LLGL1: variants seen among roughly 807,000 people sequenced by gnomAD.
The protein encoded by LLGL1 is LLGL scribble cell polarity complex component 1, also known as lethal(2) giant larvae protein homolog 1.
In LLGL1, 58 loss-of-function variants were observed where a neutral mutation model predicts 110.6. The ratio of observed to expected loss-of-function variants is 0.52; its 90% CI spans 0.42 to 0.65. LLGL1 has a LOEUF of 0.65. LLGL1 is among the 30% of genes least tolerant of loss of function. The probability of loss-of-function intolerance (pLI) is 0.00; values close to 1 mark genes in which losing one functional copy is unlikely to be tolerated. For synonymous variants in LLGL1, 674 were observed against 607.2 expected, an observed-to-expected ratio of 1.11 and a Z score of -1.62; for missense variants, 1,229 against 1,462.1, an observed-to-expected ratio of 0.84 and a Z score of 2.60.
At chr17:18,227,962 TGGACTCTGAGTCTTGGGTTCAAATCCC>T (rs1429663459) in intron 1 of LLGL1, among the ~76,000 whole-genome samples, 1 of 152,146 alleles carries the variant, frequency 6.6e-6, no homozygotes, top group African/African-American at 2.4e-5. Flanking sequence ...GCAGGGACTT[TGGACTCTGAGTCTTGGGTTCAAATCCC>T]AGTCCAGCCC....
chr17:18,237,527 G>T lies in LLGL1; in HGVS notation c.1658G>T (p.Ser553Ile). 1 of 1,602,420 alleles carries T rather than the reference G, an allele frequency of 6.2e-7. No individual in the cohort carries two copies. Residue 553 changes from serine to isoleucine, a missense_variant, in exon 14 of 23, where the codon AGC becomes ATC. Ser to Ile is a moderately radical substitution (Grantham distance 142). Coordinates refer to ENST00000316843, the MANE Select transcript of LLGL1 (RefSeq NM_004140.4). ...LSDVPVEQAV[S>I]VAIIDLLQDR... is the part of the protein sequence containing the mutation. ...GATGTGCCGGTGGAGCAGGCGGTCA[G>T]CGTGGCCATCATAGACCTCCTCCAG...
chr17:18,235,236 G>C lies in LLGL1; in HGVS notation c.1208G>C (p.Ser403Thr). 6.2e-7 allele frequency: 1 copy of C among 1,610,714 alleles called. No individual in the cohort carries two copies. Among genetic ancestry groups the C allele is most frequent in the Non-Finnish European group, 8.5e-7 (1 of 1,180,018 alleles). ...SAITCSAHVA[S>T]VPAKLWARIV... The stretch of plus-strand genomic sequence containing the variant: ...ATCACTTGCTCGGCCCACGTGGCCA[G>C]TGTCCCCGCCAAGCTGTGGGCCCGC... Residue 403 changes from serine (S) to threonine (T), a missense_variant, in exon 10 of 23, where the codon AGT becomes ACT. Transcript: ENST00000316843.
Position 18,242,633 on chromosome 17 carries a change from GGC to G in LLGL1, c.3116+6_3116+7del, listed in dbSNP as rs2047867851. On this transcript the variant is annotated splice_donor_region_variant and intron_variant, in intron 21 of 22. Coordinates refer to ENST00000316843, the MANE Select transcript of LLGL1 (RefSeq NM_004140.4). ...AGATGTGAAGGATTTCCTGGGGTGA[GGC>G]TGGTGGGCAGGTCCACAGGGGGGGC... 6.2e-7 allele frequency: 1 copy of G among 1,604,684 alleles called. No individual in the cohort carries two copies. Among genetic ancestry groups the G allele is most frequent in the Non-Finnish European group, 8.5e-7 (1 of 1,175,394 alleles).
Position 18,240,083 on chromosome 17 carries a change from C to T in LLGL1, c.2207-495C>T, listed in dbSNP as rs115041730. Among the ~76,000 whole-genome samples the T allele has an allele frequency of 1.4e-3, 209 of 152,180 alleles. No homozygotes were observed. Among genetic ancestry groups the T allele is most frequent in the Middle Eastern group, 6.8e-3 (2 of 292 alleles). ...GCTTGGCGGCTTCCTCTGGCTGCCA[C>T]GTAGGGAGCACACTGAAGACAGTGG... On this transcript the variant is annotated intron_variant, in intron 16 of 22. Transcript: ENST00000316843. The surrounding 1 kb of genome is among the most constrained non-coding windows in gnomAD (Gnocchi z 5.3).
rs2142706772 is a variant in LLGL1 at position 18,240,867 on chromosome 17, G to A, written c.2496G>A (p.Gln832=). The A allele has an allele frequency of 3.3e-6, 5 of 1,525,640 alleles. No individual in the cohort carries two copies. In the East Asian group the frequency reaches 1.2e-4, roughly 38 times the overall value. The allele number at this position is 1,525,640 out of a possible 1,614,324, so 94.5% of individuals were successfully genotyped here. Residue 832 remains glutamine, a synonymous_variant, in exon 17 of 23, where the codon CAG becomes CAA. Coordinates refer to ENST00000316843, the MANE Select transcript of LLGL1 (RefSeq NM_004140.4). This position sits in a 1 kb window ranked among gnomAD's most constrained non-coding sequence, Gnocchi z 5.3. The part of the protein sequence containing the change: ...GHAVLIASEE[Q]FKVFTLPKVS... ...CTGTGCTCATCGCATCTGAGGAGCA[G>A]TTCAAGGTGAGCCACTGTGGGCTGT...
chr17:18,237,425 G>A lies in LLGL1; in HGVS notation c.1612-56G>A, dbSNP rs529592577. On this transcript the variant is annotated intron_variant, in intron 13 of 22. Coordinates refer to ENST00000316843, the MANE Select transcript of LLGL1 (RefSeq NM_004140.4). ...CTTCAGAGGCTCCAGGCTGAGTGGG[G>A]CCCAGGGCGGCCCCTCCCCTGCGCT... 2.2e-4 allele frequency: 329 copies of A among 1,468,380 alleles called. No homozygotes were observed. The African/African-American group carries it at 4.0e-3, about 18-fold the overall frequency. The allele number at this position is 1,468,380 out of a possible 1,614,324, so 91.0% of individuals were successfully genotyped here.
chr17:18,229,871 G>A (rs1017662662), intron 1 of LLGL1, 70 bp from the exon 2 acceptor site: 162 of 1,051,130 alleles, frequency 1.5e-4, no homozygotes, highest in Non-Finnish European at 2.2e-4. Flanking sequence ...GCCTTGGGGT[G>A]GGCCTCAGGG....
In LLGL1 at chr17:18,240,648, G is replaced by C. The variant is rs1385693317; in HGVS notation, c.2277G>C (p.Val759=). The change falls in exon 17 of 23, where the codon GTG becomes GTC. Residue 759 remains valine, a synonymous_variant. Transcript: ENST00000316843. This position sits in a 1 kb window ranked among gnomAD's most constrained non-coding sequence, Gnocchi z 5.3. Reference sequence around the variant, plus strand: ...CTGTGTTCGCCTATGCACTGGAGGTGCCGGCAGCAGCAGTGGGTGGTGAGA... The same window carrying C: ...CTGTGTTCGCCTATGCACTGGAGGTCCCGGCAGCAGCAGTGGGTGGTGAGA... The part of the protein sequence containing the change: ...SGSVFAYALE[V]PAAAVGGEKR... The C allele has an allele frequency of 6.2e-7, 1 of 1,613,088 alleles. No individual in the cohort carries two copies. The highest frequency in any genetic ancestry group is 1.7e-5 in the Admixed American group (1 of 60,014).
chr17:18,235,979 C>T (rs1202863375), intron 11 of LLGL1: 4 of 202,864 alleles, frequency 2.0e-5, no homozygotes, highest in Non-Finnish European at 3.0e-5. Flanking sequence ...TGCTGAAGAG[C>T]TTGCCGTGGC....
rs1332871779 is a variant in LLGL1, at chr17:18,240,097, T to C, written c.2207-481T>C. Reference sequence around the variant, plus strand: ...TCTGGCTGCCACGTAGGGAGCACACTGAAGACAGTGGGGGTGAAGCAGGGC... The same window carrying C: ...TCTGGCTGCCACGTAGGGAGCACACCGAAGACAGTGGGGGTGAAGCAGGGC... On this transcript the variant is annotated intron_variant, in intron 16 of 22. Coordinates refer to ENST00000316843, the MANE Select transcript of LLGL1 (RefSeq NM_004140.4). The surrounding 1 kb of genome is among the most constrained non-coding windows in gnomAD (Gnocchi z 5.3). 1.3e-5 allele frequency among the ~76,000 whole-genome samples: 2 copies of C among 152,036 alleles called. No homozygotes were observed. The highest frequency in any genetic ancestry group is 3.9e-4 in the East Asian group (2 of 5,176).
At chr17:18,226,048 C>G (rs1457963862) in intron 1 of LLGL1, among the ~76,000 whole-genome samples, 5 of 152,048 alleles carry the variant, frequency 3.3e-5, no homozygotes, top group African/African-American at 2.4e-5. Context: ...GGGTCTGTCT[C>G]TGAGACTCTT....
chr17:18,244,502 C>G lies in LLGL1; in HGVS notation c.*596C>G, dbSNP rs2047936462. On this transcript the variant is annotated 3_prime_UTR_variant, in exon 23 of 23. Coordinates refer to ENST00000316843, the MANE Select transcript of LLGL1 (RefSeq NM_004140.4). ...TCGTGATCCACCCACCTCAGCCTCCCAAAGTGCTGGGATTACAGGCGTGAG... is the reference window on the plus strand; with the variant it reads ...TCGTGATCCACCCACCTCAGCCTCCGAAAGTGCTGGGATTACAGGCGTGAG... The G allele has an allele frequency of 6.6e-6, 1 of 152,108 alleles. No individual in the cohort carries two copies. The highest frequency in any genetic ancestry group is 1.5e-5 in the Non-Finnish European group (1 of 68,050). The allele number at this position is 152,108 out of a possible 1,614,324, so 9.4% of individuals were successfully genotyped here. A position where few individuals can be genotyped will look rare whatever the true frequency, so the allele number is the denominator to read the frequency against.
chr17:18,242,907 T>A, intron 22 of LLGL1, 85 bp downstream of exon 22: 1 of 1,283,634 alleles, frequency 7.8e-7, no homozygotes, highest in Non-Finnish European at 1.1e-6. Flanking sequence ...GCCCTGGTCT[T>A]CTACCTGAGA....
Position 18,232,933 on chromosome 17 carries a change from G to T in LLGL1, c.392+131G>T, listed in dbSNP as rs562407850. Reference sequence around the variant, plus strand: ...GCGGGATGCCTTGAGCTGGGCCTGGGTCCCAGGCTGCAGCTGTTGGACCCT... The same window carrying T: ...GCGGGATGCCTTGAGCTGGGCCTGGTTCCCAGGCTGCAGCTGTTGGACCCT... On this transcript the variant is annotated intron_variant, in intron 4 of 22. Transcript: ENST00000316843. 1.1e-4 allele frequency: 134 copies of T among 1,186,262 alleles called. 3 individuals carry two copies. The highest frequency in any genetic ancestry group is 1.0e-3 in the South Asian group (75 of 71,432). 73.5% of individuals were successfully genotyped at this position (1,186,262 alleles called of 1,614,324 possible).
intron 11 of LLGL1, 125 bp downstream of exon 11, chr17:18,235,662 C>T (rs965246499): frequency 3.4e-6 from 3 of 887,682 alleles, no homozygotes; most frequent in African/African-American, 1.7e-5. Flanking sequence ...CAGGTAGTTC[C>T]TCCTTGCCCA....
At position 18,234,002 on chromosome 17, in the gene LLGL1, T is replaced by G; in HGVS notation, c.552-11T>G. 1 of 1,594,530 alleles carries G rather than the reference T, an allele frequency of 6.3e-7. No individual in the cohort carries two copies. The highest frequency in any genetic ancestry group is 8.6e-7 in the Non-Finnish European group (1 of 1,167,628). Reference sequence around the variant, plus strand: ...GGGAAGTTCTGCTGGCTCACCTGCCTTCCTCCACAGCGTGCCAGACGACTA... The same window carrying G: ...GGGAAGTTCTGCTGGCTCACCTGCCGTCCTCCACAGCGTGCCAGACGACTA... On this transcript the variant is annotated splice_polypyrimidine_tract_variant and intron_variant, in intron 5 of 22. Transcript: ENST00000316843.
At position 18,241,898 on chromosome 17, in the gene LLGL1, AT is replaced by A; in HGVS notation, c.2782del (p.Ser928ProfsTer10). The A allele has an allele frequency of 1.2e-6, 2 of 1,613,696 alleles. No individual in the cohort carries two copies. The highest frequency in any genetic ancestry group is 1.1e-5 in the South Asian group (1 of 91,066). ...CTGCCCACCCAGGCTTTTACCTGAT[AT>A]CCCCATCAGAATTTGAACGCTTCTC... The part of the protein sequence containing the change: ...TRHGQGFYLI[S>X]PSEFERFSLS... On this transcript the variant is annotated frameshift_variant, in exon 19 of 23. Coordinates refer to ENST00000316843, the MANE Select transcript of LLGL1 (RefSeq NM_004140.4). LOFTEE classifies it high-confidence loss of function.
chr17:18,242,921 T>C, intron 22 of LLGL1, 99 bp downstream of exon 22: 1 of 1,162,042 alleles, frequency 8.6e-7, no homozygotes, highest in Non-Finnish European at 1.2e-6. Context: ...CCTGAGACCC[T>C]GGCAGGCCCA....
chr17:18,231,189 C>T (rs1454836786), intron 2 of LLGL1, among the ~76,000 whole-genome samples: 1 of 152,074 alleles, frequency 6.6e-6, no homozygotes, highest in Non-Finnish European at 1.5e-5. Flanking sequence ...TCCCTTTTTC[C>T]CCTGACTGCC....
Sources: allele counts gnomAD v4.1 joint callset (sites outside exome capture counted in the v4.1 genomes callset), GRCh38; gene constraint gnomAD v4.1.1; non-coding constraint Gnocchi (gnomAD v3.1); transcripts MANE v1.5; gene names NCBI Gene and HGNC (gene_info 2026-07-23, HGNC 2026-07-21).